Variants in SMYD4 observed in about 807,000 individuals in gnomAD.
The protein encoded by SMYD4 is SET and MYND domain containing 4.
A neutral mutation model predicts 72.8 loss-of-function variants in SMYD4; 68 were observed. The observed-to-expected ratio is 0.93, with a 90% CI of 0.77 to 1.14. SMYD4 has a LOEUF of 1.14. SMYD4 is among the 50% of genes most tolerant of loss of function. SMYD4 has a pLI of 0.00. For missense variants in SMYD4, 984 were observed against 1,003.7 expected (o/e 0.98, Z 0.27); for synonymous variants, 407 against 388.6 (o/e 1.05, Z -0.56).
At position 1,800,286 on chromosome 17, in the gene SMYD4, G is replaced by A. The variant is rs1450693287; in HGVS notation, c.1108C>T (p.Leu370Phe). ...FEDVRKIITKLCDKISNKDIC... is the reference protein window; with the variant it reads ...FEDVRKIITKFCDKISNKDIC... ...TCCTTGTTACTAATCTTATCACAAA[G>A]CTTCGTTATGATTTTGCGAACATCC... The change falls in exon 5 of 11, where the codon CTT becomes TTT. Residue 370 changes from leucine to phenylalanine, a missense_variant. Transcript: ENST00000305513. The A allele has an allele frequency of 1.9e-6, 3 of 1,614,084 alleles. No homozygotes were observed. The highest frequency in any genetic ancestry group is 1.7e-6 in the Non-Finnish European group (2 of 1,180,028).
chr17:1,785,813 C>T (rs7215532), intron 7 of SMYD4, among the ~76,000 whole-genome samples: 56,010 of 150,966 alleles, frequency 0.37, 10,857 homozygotes, highest in African/African-American at 0.44. Flanking sequence ...GTGCTAGGTG[C>T]GATCGTCCTA....
chr17:1,800,683 T>A lies in SMYD4; in HGVS notation c.711A>T (p.Leu237Phe), dbSNP rs1262407430. The change falls in exon 5 of 11, where the codon TTA (leucine) becomes TTT (phenylalanine). Residue 237 changes from leucine (L) to phenylalanine (F), a missense_variant. Physicochemically the swap from Leu to Phe is conservative, Grantham distance 22. Coordinates refer to ENST00000305513, the MANE Select transcript of SMYD4 (RefSeq NM_052928.3). ...AGCGACCTTTTAAAGGATCTACGCA[T>A]AAGCCGATGGATGATGAGGCATTGG... ...QLSNASSSIG[L>F]CVDPLKGRCL... is the part of the protein sequence containing the mutation. The A allele has an allele frequency of 6.2e-7, 1 of 1,614,226 alleles. No individual in the cohort carries two copies. Among genetic ancestry groups the A allele is most frequent in the Admixed American group, 1.7e-5 (1 of 60,012 alleles).
chr17:1,785,822 T>C (rs1430958186), intron 7 of SMYD4, among the ~76,000 whole-genome samples: 1 of 151,318 alleles, frequency 6.6e-6, no homozygotes, highest in African/African-American at 2.4e-5. Context: ...GCGATCGTCC[T>C]ACATTTGACC....
At chr17:1,796,262 T>C (rs1359234390) in intron 5 of SMYD4, among the ~76,000 whole-genome samples, 1 of 149,924 alleles carries the variant, frequency 6.7e-6, no homozygotes, top group East Asian at 2.0e-4. Context: ...GCTTCCCAAG[T>C]AGCTGGGACC....
chr17:1,788,516 C>T (rs1011459471), intron 5 of SMYD4, among the ~76,000 whole-genome samples: 18 of 152,024 alleles, frequency 1.2e-4, no homozygotes, highest in South Asian at 6.2e-4. Flanking sequence ...GAGGCCGAGG[C>T]GGGCAGATCA....
intron 2 of SMYD4, among the ~76,000 whole-genome samples, chr17:1,819,523 GTACTTAAA>G (rs1910789885): frequency 6.6e-6 from 1 of 152,042 alleles, no homozygotes; most frequent in African/African-American, 2.4e-5. Context: ...CCTTTCCCTT[GTACTTAAA>G]TACTCTATAG....
rs1478904671 is a variant in SMYD4, at chr17:1,800,538, C to G, written c.856G>C (p.Asp286His). The part of the protein sequence containing the change: ...PPHHGLDSKW[D>H]TRVTNGDLYC... ...AGGTCCCCATTGGTGACTCTGGTGTCCCATTTGCTGTCTAGGCCGTGATGC... is the reference window on the plus strand; with the variant it reads ...AGGTCCCCATTGGTGACTCTGGTGTGCCATTTGCTGTCTAGGCCGTGATGC... The change falls in exon 5 of 11, where the codon GAC becomes CAC. Residue 286 changes from aspartate (D) to histidine (H), a missense_variant. Asp to His is a moderately conservative substitution (Grantham distance 81, BLOSUM62 -1). Transcript: ENST00000305513. 1 of 1,614,188 alleles carries G rather than the reference C, an allele frequency of 6.2e-7. No individual in the cohort carries two copies. Among genetic ancestry groups the G allele is most frequent in the South Asian group, 1.1e-5 (1 of 91,076 alleles).
At chr17:1,805,095 T>A (rs971162549) in intron 3 of SMYD4, among the ~76,000 whole-genome samples, 2 of 152,080 alleles carry the variant, frequency 1.3e-5, no homozygotes, top group Non-Finnish European at 2.9e-5. Flanking sequence ...CACATATGGA[T>A]AGCCAAATAG....
At chr17:1,788,752 A>C (rs74975900) in intron 5 of SMYD4, among the ~76,000 whole-genome samples, 2,317 of 152,270 alleles carry the variant, frequency 0.015, 58 homozygotes, top group African/African-American at 0.053. Context: ...CCAAAAAAAA[A>C]AAAATTTGTT....
Position 1,812,110 on chromosome 17 carries a change from T to A in SMYD4, c.140A>T (p.Glu47Val), listed in dbSNP as rs1160471385. Residue 47 changes from glutamate to valine, a missense_variant, in exon 3 of 11, where the codon GAG (glutamate) becomes GTG (valine). Coordinates refer to ENST00000305513, the MANE Select transcript of SMYD4 (RefSeq NM_052928.3). ...FLHSSSLLQP[E>V]DELFLKRLSK... ...AAGTCTTTTTAGAAACAGCTCATCC[T>A]CAGGTCTGCATGAAGAAAGGAGGAA... 13 of 1,613,768 alleles carry A rather than the reference T, an allele frequency of 8.1e-6. No individual in the cohort carries two copies. In the Middle Eastern group the frequency reaches 1.5e-3, roughly 184 times the overall value.
At chr17:1,804,501 A>G in intron 4 of SMYD4, 125 bp downstream of exon 4, 1 of 845,754 alleles carries the variant, frequency 1.2e-6, no homozygotes, top group South Asian at 1.5e-5. Flanking sequence ...ATGTGCTTCC[A>G]ATTCAACCAA....
chr17:1,792,632 C>T (rs920099382), intron 5 of SMYD4, among the ~76,000 whole-genome samples: 2 of 151,728 alleles, frequency 1.3e-5, no homozygotes, highest in Middle Eastern at 3.4e-3. Flanking sequence ...CAGACAGAGG[C>T]CCTGTCTCAA....
intron 5 of SMYD4, among the ~76,000 whole-genome samples, chr17:1,790,927 C>T (rs1334736923): frequency 6.6e-6 from 1 of 151,020 alleles, no homozygotes; most frequent in Non-Finnish European, 1.5e-5. Context: ...GAGATCGAGA[C>T]CTTCCTGGCT....
At chr17:1,795,304 C>A (rs946107273) in intron 5 of SMYD4, among the ~76,000 whole-genome samples, 1 of 151,860 alleles carries the variant, frequency 6.6e-6, no homozygotes, top group Non-Finnish European at 1.5e-5. Context: ...GAGAGACTTG[C>A]TCTGTCGCCC....
At chr17:1,805,442 A>G (rs1597384835) in intron 3 of SMYD4, among the ~76,000 whole-genome samples, 1 of 152,096 alleles carries the variant, frequency 6.6e-6, no homozygotes, top group East Asian at 1.9e-4. Context: ...TCTACCATCA[A>G]ATTGGCAAGG....
intron 8 of SMYD4, 73 bp from the exon 9 acceptor site, chr17:1,783,549 A>T (rs1908492045): frequency 6.5e-7 from 1 of 1,535,774 alleles, no homozygotes; most frequent in African/African-American, 1.4e-5. Flanking sequence ...CAGGTCTCAA[A>T]TCCTCTGAAT....
intron 5 of SMYD4, among the ~76,000 whole-genome samples, chr17:1,792,388 C>T (rs915918557): frequency 1.3e-4 from 20 of 151,990 alleles, no homozygotes; most frequent in African/African-American, 4.8e-4. Flanking sequence ...GTGGCTCACC[C>T]CTGTAATCCC....
chr17:1,826,993 A>C (rs952765509), intron 2 of SMYD4, among the ~76,000 whole-genome samples: 7 of 152,130 alleles, frequency 4.6e-5, no homozygotes, highest in Middle Eastern at 6.8e-3. Context: ...TCTACTAAAA[A>C]TACAAAAATG....
At chr17:1,827,591 C>T (rs1022586575) in intron 2 of SMYD4, among the ~76,000 whole-genome samples, 2 of 152,076 alleles carry the variant, frequency 1.3e-5, no homozygotes, top group Non-Finnish European at 2.9e-5. Flanking sequence ...ACAGGACACG[C>T]TGGGATAGAA....
Sources: allele counts gnomAD v4.1 joint callset (sites outside exome capture counted in the v4.1 genomes callset), GRCh38; gene constraint gnomAD v4.1.1; transcripts MANE v1.5; gene names NCBI Gene and HGNC (gene_info 2026-07-23, HGNC 2026-07-21).